The following FRY variants were observed in gnomAD, a reference collection of about 807,000 sequenced individuals.
FRY encodes protein furry homolog.
A neutral mutation model predicts 348.4 loss-of-function variants in FRY; 128 were observed. The ratio of observed to expected loss-of-function variants is 0.37; its 90% CI spans 0.32 to 0.43. The LOEUF (loss-of-function observed/expected upper bound fraction) is 0.43. Ranked by LOEUF, FRY falls within the 20% of genes least tolerant of loss-of-function variation. FRY has a pLI of 1.00. For synonymous variants in FRY, 1,370 were observed against 1,374.7 expected, an observed-to-expected ratio of 1.00 and a Z score of 0.08; for missense variants, 2,736 against 3,695.2, an observed-to-expected ratio of 0.74 and a Z score of 6.73.
At chr13:32,247,555 C>G in intron 48 of FRY, 53 bp downstream of exon 48, 1 of 1,357,422 alleles carries the variant, frequency 7.4e-7, no homozygotes, top group South Asian at 1.2e-5. Flanking sequence ...TTTGTAGTAG[C>G]AAAGATCAAA....
chr13:32,208,114 G>C (rs1884460254), intron 31 of FRY, among the ~76,000 whole-genome samples: 1 of 152,254 alleles, frequency 6.6e-6, no homozygotes, highest in East Asian at 1.9e-4. Context: ...GGGCTTCACT[G>C]TTTGGACTCA....
intron 2 of FRY, among the ~76,000 whole-genome samples, chr13:32,088,617 G>C (rs1226955270): frequency 6.6e-6 from 1 of 152,138 alleles, no homozygotes; most frequent in African/African-American, 2.4e-5. Flanking sequence ...CATTTCTTCT[G>C]TGGCTCCTAA....
intron 60 of FRY, 123 bp from the exon 61 acceptor site, chr13:32,295,079 A>T: frequency 1.2e-6 from 1 of 828,928 alleles, no homozygotes; most frequent in Non-Finnish European, 2.1e-6. Context: ...ATTACCTGAT[A>T]CAGGAATTCC....
chr13:32,202,226 A>G (rs1360690930), intron 30 of FRY, 130 bp from the exon 31 acceptor site: 1 of 845,550 alleles, frequency 1.2e-6, no homozygotes, highest in Non-Finnish European at 2.0e-6. Flanking sequence ...CTGATGTTTT[A>G]CCTTTAATTC....
intron 2 of FRY, among the ~76,000 whole-genome samples, chr13:32,100,440 G>A (rs1490904118): frequency 5.3e-5 from 8 of 151,846 alleles, no homozygotes; most frequent in Non-Finnish European, 1.2e-4. Context: ...TAAATTTTAC[G>A]GTTTTTATTA....
chr13:32,135,086 C>A lies in FRY; in HGVS notation c.980C>A (p.Ala327Asp). The change falls in exon 10 of 61, where the codon GCT becomes GAT. Residue 327 changes from alanine to aspartate, a missense_variant and splice_region_variant. Ala to Asp is a moderately radical substitution (Grantham distance 126). Transcript: ENST00000542859. Reference sequence around the variant, plus strand: ...TATTCACATGCATCTCTATTTCAGGCTGTTAAAAATGAAGTAAATGTTCCC... The same window carrying A: ...TATTCACATGCATCTCTATTTCAGGATGTTAAAAATGAAGTAAATGTTCCC... ...FVEILVPVAA[A>D]VKNEVNVPCL... 1 of 1,599,038 alleles carries A rather than the reference C, an allele frequency of 6.3e-7. No individual in the cohort carries two copies. The highest frequency in any genetic ancestry group is 8.6e-7 in the Non-Finnish European group (1 of 1,166,298).
chr13:32,085,659 A>G (rs541347649), intron 2 of FRY, among the ~76,000 whole-genome samples: 1 of 152,252 alleles, frequency 6.6e-6, no homozygotes, highest in Non-Finnish European at 1.5e-5. Context: ...ATTTGTCCTC[A>G]TCACCACCCT....
At chr13:32,166,929 G>A (rs1362811744) in intron 17 of FRY, among the ~76,000 whole-genome samples, 2 of 152,130 alleles carry the variant, frequency 1.3e-5, no homozygotes, top group East Asian at 3.8e-4. Flanking sequence ...CAGTGGTAGA[G>A]CATGTAAACA....
chr13:32,116,793 G>A (rs541857355), intron 3 of FRY, among the ~76,000 whole-genome samples: 7 of 152,202 alleles, frequency 4.6e-5, no homozygotes, highest in African/African-American at 1.7e-4. Context: ...TAATGTAACA[G>A]GGGGTAAATT....
intron 40 of FRY, among the ~76,000 whole-genome samples, chr13:32,230,069 C>T (rs1410813684): frequency 6.6e-6 from 1 of 151,966 alleles, no homozygotes; most frequent in Non-Finnish European, 1.5e-5. Context: ...TTTTTTAACT[C>T]ACATTTTAAG....
chr13:32,099,045 A>C (rs1053577531), intron 2 of FRY, among the ~76,000 whole-genome samples: 2 of 151,914 alleles, frequency 1.3e-5, no homozygotes, highest in Non-Finnish European at 2.9e-5. Flanking sequence ...TGCCTTAGGT[A>C]AGATCATCTT....
chr13:32,104,652 G>T (rs958869959), intron 3 of FRY, among the ~76,000 whole-genome samples: 1 of 152,132 alleles, frequency 6.6e-6, no homozygotes, highest in Non-Finnish European at 1.5e-5. Context: ...AGACTTTCAG[G>T]CCTGATATGG....
At chr13:32,102,364 C>T (rs1341699165) in intron 3 of FRY, among the ~76,000 whole-genome samples, 1 of 152,142 alleles carries the variant, frequency 6.6e-6, no homozygotes, top group Non-Finnish European at 1.5e-5. Flanking sequence ...ATGAATGATA[C>T]TATGTGATGA....
At chr13:32,258,434 G>A (rs866453794) in intron 51 of FRY, among the ~76,000 whole-genome samples, 2 of 152,082 alleles carry the variant, frequency 1.3e-5, no homozygotes, top group Admixed American at 6.6e-5. Context: ...CCAACATGGC[G>A]AAACCCTGTC....
At chr13:32,182,807 C>T (rs1343698411) in intron 23 of FRY, among the ~76,000 whole-genome samples, 170 bp from the exon 24 acceptor site, 1 of 152,130 alleles carries the variant, frequency 6.6e-6, no homozygotes, top group Non-Finnish European at 1.5e-5. Context: ...TAGGCCAATA[C>T]CTGTTTCCAG....
At chr13:32,162,548 A>G (rs1201641963) in intron 17 of FRY, among the ~76,000 whole-genome samples, 1 of 152,008 alleles carries the variant, frequency 6.6e-6, no homozygotes, top group Non-Finnish European at 1.5e-5. Flanking sequence ...TTTAGAAACT[A>G]CTGCCCTTTC....
intron 36 of FRY, among the ~76,000 whole-genome samples, chr13:32,220,935 G>T (rs1885278881): frequency 6.6e-6 from 1 of 152,192 alleles, no homozygotes; most frequent in Admixed American, 6.5e-5. Flanking sequence ...AGTTAGAACT[G>T]AGATGAGTTA....
At chr13:32,218,613 A>G (rs1464264071) in intron 35 of FRY, 136 bp from the exon 36 acceptor site, 5 of 618,744 alleles carry the variant, frequency 8.1e-6, no homozygotes, top group Non-Finnish European at 1.5e-5. Flanking sequence ...TGGAAGGCGG[A>G]GATTGCAGTG....
chr13:32,150,665 AAG>A (rs978668551), intron 14 of FRY, among the ~76,000 whole-genome samples: 1 of 152,044 alleles, frequency 6.6e-6, no homozygotes, highest in African/African-American at 2.4e-5. Context: ...GGAAGGAAGA[AAG>A]AGAGAGAGAG....
Sources: allele counts gnomAD v4.1 joint callset (sites outside exome capture counted in the v4.1 genomes callset), GRCh38; gene constraint gnomAD v4.1.1; transcripts MANE v1.5; gene names NCBI Gene and HGNC (gene_info 2026-07-23, HGNC 2026-07-21).